Variants in SAMD12 observed in about 807,000 individuals in gnomAD.
SAMD12 encodes sterile alpha motif domain-containing protein 12.
A neutral mutation model predicts 15.0 loss-of-function variants in SAMD12; 9 were observed. The ratio of observed to expected loss-of-function variants is 0.60; its 90% CI spans 0.36 to 1.05. SAMD12 has a LOEUF of 1.05. SAMD12 is among the 50% of genes least tolerant of loss of function. SAMD12 has a pLI of 0.01. For synonymous variants in SAMD12, 86 were observed against 90.1 expected (o/e 0.96, Z 0.25); for missense variants, 230 against 234.2 (o/e 0.98, Z 0.12).
chr8:118,557,514 G>A lies in SAMD12; in HGVS notation c.192+23201C>T, dbSNP rs150249224. On this transcript the variant is annotated intron_variant, in intron 2 of 3. Transcript: ENST00000314727. ...TAAAGAAAAAGAGCATCTGAAATGAGTCTTTAAAGATGACCTCAACTACGG... is the reference window on the plus strand; with the variant it reads ...TAAAGAAAAAGAGCATCTGAAATGAATCTTTAAAGATGACCTCAACTACGG... Among the ~76,000 whole-genome samples, 7 of 152,304 alleles carry A rather than the reference G, an allele frequency of 4.6e-5. No individual in the cohort carries two copies. In the East Asian group the frequency reaches 1.4e-3, roughly 29 times the overall value.
chr8:118,379,662 G>A lies in SAMD12; in HGVS notation c.361C>T (p.Arg121Ter), dbSNP rs200496004. Residue 121 changes from arginine (R) to a stop codon, truncating the protein, a stop_gained, in exon 4 of 4, where the codon CGA becomes TGA. Transcript: ENST00000314727. LOFTEE classifies it low-confidence loss of function (END_TRUNC). ...AGGTTCTCCTGGGCAATCCCCATTC[G>A]CTCGAGCTTTTTGTCAGTAAGTCTC... ...LLRLTDKKLERMGIAQENLRQ... is the reference protein window; with the variant it reads ...LLRLTDKKLE 10 of 1,613,776 alleles carry A rather than the reference G, an allele frequency of 6.2e-6. No homozygotes were observed. Among genetic ancestry groups the A allele is most frequent in the African/African-American group, 1.3e-5 (1 of 74,996 alleles).
At position 118,471,895 on chromosome 8, in the gene SAMD12, T is replaced by C. The variant is rs1325909854; in HGVS notation, c.193-31934A>G. Among the ~76,000 whole-genome samples, 4 of 151,784 alleles carry C rather than the reference T, an allele frequency of 2.6e-5. No homozygotes were observed. The South Asian group carries it at 6.2e-4, about 24-fold the overall frequency. On this transcript the variant is annotated intron_variant, in intron 2 of 3. Coordinates refer to ENST00000314727, the MANE Select transcript of SAMD12 (RefSeq NM_207506.3). ...TCTACTGCCTAAAGGCAGTGGGATA[T>C]AGAAAAAACAAAACAAAACTGAGTT...
Position 118,221,253 on chromosome 8 carries a change from G to A in SAMD12, c.434-23521C>T, listed in dbSNP as rs138828842. ...AAAATCTGAGGGATGGGGGTGGGAT[G>A]AAAGGAAAAAGTAAGTAATCAGATT... On this transcript the variant is annotated intron_variant, in intron 4 of 4. Transcript: ENST00000409003. 6.6e-5 allele frequency among the ~76,000 whole-genome samples: 10 copies of A among 152,278 alleles called. 1 individual carries two copies. Among genetic ancestry groups the A allele is most frequent in the African/African-American group, 9.6e-5 (4 of 41,564 alleles).
chr8:118,348,610 G>A (rs1817793436), intron 4 of SAMD12, among the ~76,000 whole-genome samples: 2 of 152,144 alleles, frequency 1.3e-5, no homozygotes, highest in South Asian at 4.1e-4. Flanking sequence ...CTGACATCGT[G>A]ATCTGCCCAC....
At chr8:118,409,254 A>G (rs1055470941) in intron 3 of SAMD12, among the ~76,000 whole-genome samples, 1 of 152,086 alleles carries the variant, frequency 6.6e-6, no homozygotes, top group African/African-American at 2.4e-5. Context: ...ATCTTCCACA[A>G]TGTTTTGACT....
intron 2 of SAMD12, among the ~76,000 whole-genome samples, chr8:118,559,070 C>T (rs1241157361): frequency 6.6e-6 from 1 of 152,122 alleles, no homozygotes; most frequent in African/African-American, 2.4e-5. Context: ...AAAAGGATTC[C>T]CTCCAGAGTG....
chr8:118,190,718 G>A (rs1039793674), exon 5 of SAMD12: 2 of 152,132 alleles, frequency 1.3e-5, no homozygotes, highest in African/African-American at 2.4e-5. Context: ...GCACAGTATA[G>A]CTTCTTCCCT....
chr8:118,561,568 A>C (rs1303036102), intron 2 of SAMD12, among the ~76,000 whole-genome samples: 1 of 152,214 alleles, frequency 6.6e-6, no homozygotes, highest in African/African-American at 2.4e-5. Context: ...TTCACATGGC[A>C]GCAGCAAGGA....
intron 1 of SAMD12, among the ~76,000 whole-genome samples, chr8:118,597,131 G>A (rs1464072243): frequency 1.3e-5 from 2 of 152,112 alleles, no homozygotes; most frequent in African/African-American, 4.8e-5. Flanking sequence ...GGAGAGGGTG[G>A]CAGGCTCCAG....
chr8:118,463,506 A>C (rs375119152), intron 2 of SAMD12, among the ~76,000 whole-genome samples: 1 of 152,082 alleles, frequency 6.6e-6, no homozygotes, highest in Non-Finnish European at 1.5e-5. Flanking sequence ...AGGTTTGGGG[A>C]AAGGACCTGG....
intron 2 of SAMD12, among the ~76,000 whole-genome samples, chr8:118,511,423 A>G (rs1203835174): frequency 6.6e-6 from 1 of 151,624 alleles, no homozygotes; most frequent in Non-Finnish European, 1.5e-5. Context: ...GTCAATTGAC[A>G]AATTTGGAAA....
intron 4 of SAMD12, among the ~76,000 whole-genome samples, chr8:118,323,625 T>A (rs2130464859): frequency 2.0e-5 from 3 of 152,028 alleles, no homozygotes; most frequent in Middle Eastern, 6.8e-3. Context: ...AAAAATTGGC[T>A]GGGTGTGGTG....
intron 2 of SAMD12, among the ~76,000 whole-genome samples, chr8:118,566,325 C>T: frequency 6.6e-6 from 1 of 152,188 alleles, no homozygotes; most frequent in Non-Finnish European, 1.5e-5. Flanking sequence ...CTCTTTCATT[C>T]CCCTGTCTTC....
intron 2 of SAMD12, among the ~76,000 whole-genome samples, chr8:118,505,345 T>A (rs1178190248): frequency 2.1e-5 from 1 of 46,930 alleles, no homozygotes; most frequent in East Asian, 4.2e-4. Context: ...GCAGAGCTCT[T>A]TTTTTTTTTT....
chr8:118,214,986 C>T (rs546824361), intron 4 of SAMD12, among the ~76,000 whole-genome samples: 52 of 152,222 alleles, frequency 3.4e-4, no homozygotes, highest in South Asian at 1.2e-3. Flanking sequence ...AGTTGTTACA[C>T]GTTAGGAGAA....
chr8:118,189,174 C>G (rs943069854), downstream of SAMD12, among the ~76,000 whole-genome samples: 8 of 152,094 alleles, frequency 5.3e-5, no homozygotes, highest in African/African-American at 1.7e-4. Flanking sequence ...AAAGAGTTCA[C>G]CAGTCATTGC....
chr8:118,544,618 C>T (rs538882188), intron 2 of SAMD12, among the ~76,000 whole-genome samples: 14 of 152,292 alleles, frequency 9.2e-5, no homozygotes, highest in African/African-American at 3.1e-4. Context: ...ACTTGATAGA[C>T]ATTATAGAGA....
chr8:118,558,334 T>C (rs146104213), intron 2 of SAMD12, among the ~76,000 whole-genome samples: 184 of 152,326 alleles, frequency 1.2e-3, no homozygotes, highest in African/African-American at 4.3e-3. Context: ...GTTAATACTT[T>C]CTTCTATGAT....
Position 118,566,330 on chromosome 8 carries a change from G to T in SAMD12, c.192+14385C>A, listed in dbSNP as rs374212036. Among the ~76,000 whole-genome samples the T allele has an allele frequency of 8.5e-5, 13 of 152,120 alleles. No individual in the cohort carries two copies. The East Asian group carries it at 2.1e-3, about 25-fold the overall frequency. On this transcript the variant is annotated intron_variant, in intron 2 of 3. Coordinates refer to ENST00000314727, the MANE Select transcript of SAMD12 (RefSeq NM_207506.3). The stretch of plus-strand genomic sequence containing the variant: ...AACACCCTTCCTCTTTCATTCCCCT[G>T]TCTTCTACTCCATCTTTATTTTCGA...
Sources: gnomAD v4.1 joint callset for allele counts (sites outside exome capture counted in the v4.1 genomes callset) on GRCh38, gnomAD v4.1.1 for gene constraint, MANE v1.5 for transcripts, NCBI Gene and HGNC (gene_info 2026-07-23, HGNC 2026-07-21) for gene names.